Variants in MSL1 observed in about 807,000 individuals in gnomAD.
The protein encoded by MSL1 is male-specific lethal 1 homolog.
Under a neutral mutation model 64.6 loss-of-function variants are expected in MSL1, and 21 were observed. That is an observed-to-expected ratio of 0.33 (90% CI 0.23 to 0.47). The LOEUF (loss-of-function observed/expected upper bound fraction) is 0.47. Among genes scored for constraint, MSL1 ranks in the 20% least tolerant of loss-of-function variants. The probability of loss-of-function intolerance (pLI) is 1.00; values close to 1 mark genes in which losing one functional copy is unlikely to be tolerated. For synonymous variants in MSL1, 339 were observed against 329.6 expected, an observed-to-expected ratio of 1.03 and a Z score of -0.31; for missense variants, 664 against 793.2, an observed-to-expected ratio of 0.84 and a Z score of 1.96.
rs770079269 is a variant in MSL1, at chr17:40,123,385, G to A, written c.768+5G>A. The A allele has an allele frequency of 3.1e-5, 47 of 1,535,670 alleles. No individual in the cohort carries two copies. The South Asian group carries it at 4.0e-4, about 13-fold the overall frequency. On this transcript the variant is annotated splice_donor_5th_base_variant and intron_variant, in intron 1 of 8. Coordinates refer to ENST00000398532, the MANE Select transcript of MSL1 (RefSeq NM_001365919.1). ...CTGAAGTCAGAGAGAGACACGGTAC[G>A]GGAGGGGTTAATCTGCATTCGGGCC...
chr17:40,123,139 C>T lies in MSL1; in HGVS notation c.527C>T (p.Pro176Leu), dbSNP rs1364144855. ...GACCCGGCGGGACCCCCACCACTACCTCTGCCCGGGCCGCCACCCCTCGCG... is the reference window on the plus strand; with the variant it reads ...GACCCGGCGGGACCCCCACCACTACTTCTGCCCGGGCCGCCACCCCTCGCG... Reference protein sequence around the residue: ...ASDPAGPPPLPLPGPPPLAPT... With the variant: ...ASDPAGPPPLLLPGPPPLAPT... Residue 176 changes from proline (P) to leucine (L), a missense_variant, in exon 1 of 9, where the codon CCT (proline) becomes CTT (leucine). Pro to Leu is a moderately conservative substitution (Grantham distance 98). Around this residue, in one of 4 missense-constraint regions of MSL1, gnomAD observed 466 missense variants for 499.0 expected, o/e 0.93. Coordinates refer to ENST00000398532, the MANE Select transcript of MSL1 (RefSeq NM_001365919.1). The T allele has an allele frequency of 1.3e-6, 2 of 1,533,594 alleles. No individual in the cohort carries two copies. Among genetic ancestry groups the T allele is most frequent in the South Asian group, 2.4e-5 (2 of 83,924 alleles). The allele number at this position is 1,533,594 out of a possible 1,614,324, so 95.0% of individuals were successfully genotyped here. A position where few individuals can be genotyped will look rare whatever the true frequency, so the allele number is the denominator to read the frequency against.
At position 40,129,338 on chromosome 17, in the gene MSL1, T is replaced by A. The variant is rs927446720; in HGVS notation, c.1086T>A (p.Ser362=). 1 of 1,610,550 alleles carries A rather than the reference T, an allele frequency of 6.2e-7. No individual in the cohort carries two copies. Among genetic ancestry groups the A allele is most frequent in the African/African-American group, 1.3e-5 (1 of 74,640 alleles). ...TCAAAACAAAAACTCCTAAGCACTC[T>A]CCTATTAAAGAGGAACCCTGTGGTT... is the stretch of plus-strand genomic sequence containing the variant. The part of the protein sequence containing the change: ...SKVKTKTPKH[S]PIKEEPCGSL... Residue 362 remains serine (S), a synonymous_variant, in exon 3 of 9, where the codon TCT becomes TCA. Transcript: ENST00000398532.
Position 40,123,379 on chromosome 17 carries a change from C to T in MSL1, c.767C>T (p.Thr256Met). 2 of 1,536,148 alleles carry T rather than the reference C, an allele frequency of 1.3e-6. No individual in the cohort carries two copies. The highest frequency in any genetic ancestry group is 1.2e-5 in the South Asian group (1 of 84,036). ...GAGGAGCTGAAGTCAGAGAGAGACA[C>T]GGTACGGGAGGGGTTAATCTGCATT... is the stretch of plus-strand genomic sequence containing the variant. ...EIEELKSERD[T>M]LLARIERMER... The change falls in exon 1 of 9, where the codon ACG (threonine) becomes ATG (methionine). Residue 256 changes from threonine to methionine, a missense_variant and splice_region_variant. This residue lies in a region of MSL1 where 466 missense variants were observed against 499.0 expected (regional missense o/e 0.93). Transcript: ENST00000398532.
At position 40,123,036 on chromosome 17, in the gene MSL1, C is replaced by T. The variant is rs867530501; in HGVS notation, c.424C>T (p.Leu142Phe). 2 of 1,532,346 alleles carry T rather than the reference C, an allele frequency of 1.3e-6. No homozygotes were observed. The highest frequency in any genetic ancestry group is 2.0e-5 in the Admixed American group (1 of 50,828). The allele number at this position is 1,532,346 out of a possible 1,614,324, so 94.9% of individuals were successfully genotyped here. The change falls in exon 1 of 9, where the codon CTC becomes TTC. Residue 142 changes from leucine to phenylalanine, a missense_variant. Around this residue, in one of 4 missense-constraint regions of MSL1, gnomAD observed 466 missense variants for 499.0 expected, o/e 0.93. Transcript: ENST00000398532. ...QAVLPIQTGS[L>F]VAAAKEPTPW... is the part of the protein sequence containing the mutation. The stretch of plus-strand genomic sequence containing the variant: ...GGTGCTGCCCATTCAGACGGGCTCT[C>T]TCGTGGCGGCGGCCAAAGAGCCTAC...
intron 6 of MSL1, 175 bp downstream of exon 6, chr17:40,133,284 G>T: frequency 2.7e-6 from 2 of 748,596 alleles, no homozygotes; most frequent in Non-Finnish European, 4.3e-6. Context: ...AGTTGTTGCG[G>T]TAAACATGTT....
chr17:40,126,323 G>T lies in MSL1; in HGVS notation c.909G>T (p.Glu303Asp). ...ETELSEKIKL[E>D]CQPELSETSQ... ...AGCTATCTGAGAAAATTAAACTGGA[G>T]TGCCAGCCGGAGCTTTCCGAGACAT... The change falls in exon 2 of 9, where the codon GAG becomes GAT. Residue 303 changes from glutamate to aspartate, a missense_variant. By Grantham distance (45) the Glu-to-Asp change is conservative (BLOSUM62 2). This residue lies in a region of MSL1 where 466 missense variants were observed against 499.0 expected (regional missense o/e 0.93). Coordinates refer to ENST00000398532, the MANE Select transcript of MSL1 (RefSeq NM_001365919.1). 1 of 1,613,998 alleles carries T rather than the reference G, an allele frequency of 6.2e-7. No individual in the cohort carries two copies. Among genetic ancestry groups the T allele is most frequent in the South Asian group, 1.1e-5 (1 of 91,074 alleles).
chr17:40,135,224 TAG>T lies in MSL1; in HGVS notation c.*859_*860del, dbSNP rs1407293451. ...TTTAGCAGAACTCTTGGTGGTGGGA[TAG>T]AGACTTAGGGAGGGTAGGGGGAGAG... On this transcript the variant is annotated 3_prime_UTR_variant, in exon 9 of 9. Transcript: ENST00000398532. 6.6e-6 allele frequency: 1 copy of T among 152,320 alleles called. No individual in the cohort carries two copies. The highest frequency in any genetic ancestry group is 1.5e-5 in the Non-Finnish European group (1 of 68,046). 9.4% of individuals were successfully genotyped at this position (152,320 alleles called of 1,614,324 possible). A position where few individuals can be genotyped will look rare whatever the true frequency, so the allele number is the denominator to read the frequency against.
Position 40,131,696 on chromosome 17 carries a change from G to A in MSL1, c.1423+112G>A. 1 of 998,888 alleles carries A rather than the reference G, an allele frequency of 1.0e-6. No individual in the cohort carries two copies. Among genetic ancestry groups the A allele is most frequent in the Non-Finnish European group, 1.6e-6 (1 of 623,278 alleles). The allele number at this position is 998,888 out of a possible 1,614,324, so 61.9% of individuals were successfully genotyped here. A position where few individuals can be genotyped will look rare whatever the true frequency, so the allele number is the denominator to read the frequency against. ...TGGATGTGGGAGACTGAGATTTCTT[G>A]GTGTATGATTGATTACACTACTATA... On this transcript the variant is annotated intron_variant, in intron 4 of 8. Transcript: ENST00000398532. This position sits in a 1 kb window ranked among gnomAD's most constrained non-coding sequence, Gnocchi z 4.5.
chr17:40,122,533 C>CA lies in MSL1; in HGVS notation c.-80_-79insA, dbSNP rs973937796. The stretch of plus-strand genomic sequence containing the variant: ...GAGCCCGCCAAACTCCCCTCCCCCC[C>CA]CTCAGTCCTCGACCCCCCGCACCTC... On this transcript the variant is annotated 5_prime_UTR_variant, in exon 1 of 9. Transcript: ENST00000398532. This position sits in a 1 kb window ranked among gnomAD's most constrained non-coding sequence, Gnocchi z 4.2. 5.4e-6 allele frequency: 5 copies of CA among 932,814 alleles called. No homozygotes were observed. In the African/African-American group the frequency reaches 7.0e-5, roughly 13 times the overall value. 57.8% of individuals were successfully genotyped at this position (932,814 alleles called of 1,614,324 possible).
intron 1 of MSL1, among the ~76,000 whole-genome samples, chr17:40,123,754 T>TG (rs1988249846): frequency 1.3e-5 from 2 of 152,142 alleles, no homozygotes; most frequent in South Asian, 2.1e-4. Flanking sequence ...AAAGAGCTAT[T>TG]GCGTTAGAAA....
rs1988504742 is a variant in MSL1, at chr17:40,134,552, G to GT, written c.*184dup. 8.4e-6 allele frequency: 5 copies of GT among 593,452 alleles called. No homozygotes were observed. Among genetic ancestry groups the GT allele is most frequent in the Non-Finnish European group, 1.5e-5 (5 of 334,474 alleles). The allele number at this position is 593,452 out of a possible 1,614,324, so 36.8% of individuals were successfully genotyped here. On this transcript the variant is annotated 3_prime_UTR_variant, in exon 9 of 9. Transcript: ENST00000398532. ...CAAAAACTCTTTCATTCGGCTAATT[G>GT]TGAGTTATGGAGGGTGATTGGGATT...
chr17:40,122,971 C>T lies in MSL1; in HGVS notation c.359C>T (p.Ala120Val). Reference protein sequence around the residue: ...KQAGIGGEPAAAGAGCSPRPK... With the variant: ...KQAGIGGEPAVAGAGCSPRPK... The stretch of plus-strand genomic sequence containing the variant: ...GCCGGCATTGGGGGGGAGCCTGCCG[C>T]AGCCGGAGCCGGCTGCAGCCCCCGG... The change falls in exon 1 of 9, where the codon GCA becomes GTA. Residue 120 changes from alanine (A) to valine (V), a missense_variant. Physicochemically the swap from Ala to Val is moderately conservative, Grantham distance 64. This residue lies in a region of MSL1 where 466 missense variants were observed against 499.0 expected (regional missense o/e 0.93). Coordinates refer to ENST00000398532, the MANE Select transcript of MSL1 (RefSeq NM_001365919.1). This position sits in a 1 kb window ranked among gnomAD's most constrained non-coding sequence, Gnocchi z 4.2. 2 of 1,527,328 alleles carry T rather than the reference C, an allele frequency of 1.3e-6. No individual in the cohort carries two copies. The highest frequency in any genetic ancestry group is 1.7e-6 in the Non-Finnish European group (2 of 1,143,852). The allele number at this position is 1,527,328 out of a possible 1,614,324, so 94.6% of individuals were successfully genotyped here.
At position 40,131,442 on chromosome 17, in the gene MSL1, T is replaced by G; in HGVS notation, c.1376-95T>G. 6 of 1,111,710 alleles carry G rather than the reference T, an allele frequency of 5.4e-6. No homozygotes were observed. The allele number at this position is 1,111,710 out of a possible 1,614,324, so 68.9% of individuals were successfully genotyped here. On this transcript the variant is annotated intron_variant, in intron 3 of 8. Coordinates refer to ENST00000398532, the MANE Select transcript of MSL1 (RefSeq NM_001365919.1). This position sits in a 1 kb window ranked among gnomAD's most constrained non-coding sequence, Gnocchi z 4.5. ...CAACTCAAAAAACAAAATGGCTTCCTAGTGAGAACTTCAGTGATGATCCTT... is the reference window on the plus strand; with the variant it reads ...CAACTCAAAAAACAAAATGGCTTCCGAGTGAGAACTTCAGTGATGATCCTT...
chr17:40,133,492 T>A, intron 6 of MSL1, 42 bp from the exon 7 acceptor site: 1 of 1,583,718 alleles, frequency 6.3e-7, no homozygotes, highest in Admixed American at 1.9e-5. Context: ...GGGTAAACAG[T>A]AATGTTGGGT....
chr17:40,134,543 C>T lies in MSL1; in HGVS notation c.*174C>T, dbSNP rs957281346. On this transcript the variant is annotated 3_prime_UTR_variant, in exon 9 of 9. Coordinates refer to ENST00000398532, the MANE Select transcript of MSL1 (RefSeq NM_001365919.1). ...CTGATTTCACAAAAACTCTTTCATTCGGCTAATTGTGAGTTATGGAGGGTG... is the reference window on the plus strand; with the variant it reads ...CTGATTTCACAAAAACTCTTTCATTTGGCTAATTGTGAGTTATGGAGGGTG... The T allele has an allele frequency of 2.6e-5, 16 of 604,666 alleles. No individual in the cohort carries two copies. The highest frequency in any genetic ancestry group is 7.4e-5 in the African/African-American group (4 of 53,908). 37.5% of individuals were successfully genotyped at this position (604,666 alleles called of 1,614,324 possible).
At chr17:40,130,355 G>A (rs2145133732) in intron 3 of MSL1, 1 of 152,228 alleles carries the variant, frequency 6.6e-6, no homozygotes, top group African/African-American at 2.4e-5. Context: ...GGTGTGGGGT[G>A]TGGGACCTTG....
chr17:40,128,882 T>C (rs1988380587), intron 2 of MSL1, among the ~76,000 whole-genome samples: 2 of 151,766 alleles, frequency 1.3e-5, no homozygotes, highest in Admixed American at 1.3e-4. Flanking sequence ...GGCATGGTGG[T>C]GTATGCCTGT....
chr17:40,123,228 C>T lies in MSL1; in HGVS notation c.616C>T (p.Pro206Ser), dbSNP rs1012647165. ...EGRWKSMRKS[P>S]LGGGGGSGAS... ...CAGATGGAAGAGTATGAGGAAGAGC[C>T]CTCTCGGGGGTGGTGGCGGCTCGGG... Residue 206 changes from proline to serine, a missense_variant, in exon 1 of 9, where the codon CCT becomes TCT. Physicochemically the swap from Pro to Ser is moderately conservative, Grantham distance 74. Coordinates refer to ENST00000398532, the MANE Select transcript of MSL1 (RefSeq NM_001365919.1). 73 of 1,535,574 alleles carry T rather than the reference C, an allele frequency of 4.8e-5. No homozygotes were observed. The highest frequency in any genetic ancestry group is 6.1e-5 in the Non-Finnish European group (70 of 1,146,860).
rs1421777996 is a variant in MSL1, at chr17:40,133,875, G to A, written c.1730G>A (p.Arg577Gln). The A allele has an allele frequency of 2.5e-6, 4 of 1,613,738 alleles. No homozygotes were observed. Among genetic ancestry groups the A allele is most frequent in the East Asian group, 2.2e-5 (1 of 44,890 alleles). ...TTCTTGCCTGTTGTAGCATTTGGAC[G>A]ACCATTACCAAAATTAACTCCACAG... Reference protein sequence around the residue: ...TPFLPVVAFGRPLPKLTPQNF... With the variant: ...TPFLPVVAFGQPLPKLTPQNF... Residue 577 changes from arginine (R) to glutamine (Q), a missense_variant, in exon 8 of 9, where the codon CGA (arginine) becomes CAA (glutamine). Around this residue, in one of 4 missense-constraint regions of MSL1, gnomAD observed 76 missense variants for 98.5 expected, o/e 0.77. Transcript: ENST00000398532.
Sources: gnomAD v4.1 joint callset for allele counts (sites outside exome capture counted in the v4.1 genomes callset) on GRCh38, gnomAD v4.1.1 for gene constraint, gnomAD v4.1.1 regional missense constraint, Gnocchi (gnomAD v3.1) non-coding constraint, MANE v1.5 for transcripts, NCBI Gene and HGNC (gene_info 2026-07-23, HGNC 2026-07-21) for gene names.